The following PRKCB variants were observed in gnomAD, a reference collection of about 807,000 sequenced individuals.
The protein encoded by PRKCB is protein kinase C beta.
Under a neutral mutation model 81.5 loss-of-function variants are expected in PRKCB, and 13 were observed. That is an observed-to-expected ratio of 0.16 (90% confidence interval 0.10 to 0.25). The LOEUF is 0.25. PRKCB is among the 10% of genes least tolerant of loss of function. PRKCB has a pLI of 1.00. For synonymous variants in PRKCB, 335 were observed against 321.4 expected (o/e 1.04, Z -0.45); for missense variants, 509 against 875.7 (o/e 0.58, Z 5.29).
chr16:24,032,504 G>A (rs1965562543), intron 4 of PRKCB, among the ~76,000 whole-genome samples: 1 of 152,244 alleles, frequency 6.6e-6, no homozygotes, highest in African/African-American at 2.4e-5. Context: ...TGTCACGCAT[G>A]TTCATAAAGC....
At chr16:24,106,116 CAAAAAACA>C (rs1245943927) in intron 7 of PRKCB, among the ~76,000 whole-genome samples, 62 of 79,288 alleles carry the variant, frequency 7.8e-4, no homozygotes, top group Admixed American at 1.5e-3. Context: ...AAGCAAAAAA[CAAAAAACA>C]AAAAAAACTA....
intron 12 of PRKCB, among the ~76,000 whole-genome samples, chr16:24,177,039 A>G (rs1183556653): frequency 6.6e-6 from 1 of 152,224 alleles, no homozygotes; most frequent in African/African-American, 2.4e-5. Flanking sequence ...GGGTGCTGAC[A>G]TTAGGACCTA....
At chr16:23,837,288 G>T in intron 1 of PRKCB, 87 bp from the exon 2 acceptor site, 1 of 1,532,826 alleles carries the variant, frequency 6.5e-7, no homozygotes. Context: ...TACAGAGGCA[G>T]GGAGGAAGGC....
At chr16:24,209,665 C>A (rs930870979) in intron 16 of PRKCB, among the ~76,000 whole-genome samples, 6 of 152,068 alleles carry the variant, frequency 3.9e-5, no homozygotes, top group African/African-American at 1.4e-4. Context: ...TGCATCTTTC[C>A]ATCCCTCCAC....
chr16:23,932,606 A>G (rs901166070), intron 2 of PRKCB, among the ~76,000 whole-genome samples: 1 of 152,232 alleles, frequency 6.6e-6, no homozygotes, highest in Non-Finnish European at 1.5e-5. Flanking sequence ...GACTGGAAGG[A>G]TCAGGCATCT....
chr16:23,905,042 CTTTTTTTTTTT>C (rs1227867693), intron 2 of PRKCB, among the ~76,000 whole-genome samples: 2 of 110,238 alleles, frequency 1.8e-5, no homozygotes, highest in African/African-American at 7.6e-5. Context: ...CTTTTTTTTT[CTTTTTTTTTTT>C]TTTAATAAAA....
chr16:24,214,700 C>T lies in PRKCB; in HGVS notation c.1906C>T (p.His636Tyr). Reference sequence around the variant, plus strand: ...AAACTTCGACCGATTTTTCACCCGCCATCCACCAGTCCTAACACCTCCCGA... The same window carrying T: ...AAACTTCGACCGATTTTTCACCCGCTATCCACCAGTCCTAACACCTCCCGA... ...AENFDRFFTR[H>Y]PPVLTPPDQE... The change falls in exon 17 of 17, where the codon CAT (histidine) becomes TAT (tyrosine). Residue 636 changes from histidine (H) to tyrosine (Y), a missense_variant. By Grantham distance (83) the His-to-Tyr change is moderately conservative. Around this residue, in one of 6 missense-constraint regions of PRKCB, gnomAD observed 104 missense variants for 160.5 expected, o/e 0.65. Transcript: ENST00000643927. 1 of 1,614,192 alleles carries T rather than the reference C, an allele frequency of 6.2e-7. No individual in the cohort carries two copies. Among genetic ancestry groups the T allele is most frequent in the South Asian group, 1.1e-5 (1 of 91,084 alleles).
chr16:23,978,623 C>T (rs183631952), intron 2 of PRKCB, among the ~76,000 whole-genome samples: 8 of 152,224 alleles, frequency 5.3e-5, no homozygotes, highest in East Asian at 1.9e-4. Context: ...TGGTTAATGC[C>T]GCCTGGCTGG....
intron 2 of PRKCB, among the ~76,000 whole-genome samples, chr16:23,858,435 C>T (rs989199467): frequency 1.3e-5 from 2 of 152,112 alleles, no homozygotes; most frequent in African/African-American, 4.8e-5. Flanking sequence ...GTGATAAGGC[C>T]CATCTCTCAT....
chr16:24,199,703 T>C (rs796577263), intron 16 of PRKCB, among the ~76,000 whole-genome samples: 1 of 152,254 alleles, frequency 6.6e-6, no homozygotes, highest in Non-Finnish European at 1.5e-5. Context: ...TTAACTGCCT[T>C]CCATGAATTG....
At chr16:23,856,554 TTGTC>T (rs1290044471) in intron 2 of PRKCB, among the ~76,000 whole-genome samples, 2 of 151,892 alleles carry the variant, frequency 1.3e-5, no homozygotes, top group Non-Finnish European at 1.5e-5. Flanking sequence ...GACAGGGTCT[TTGTC>T]TGTCGCACAG....
At chr16:24,042,461 A>G (rs1175395793) in intron 5 of PRKCB, among the ~76,000 whole-genome samples, 2 of 152,108 alleles carry the variant, frequency 1.3e-5, no homozygotes, top group Admixed American at 1.3e-4. Flanking sequence ...CTTTATTTTG[A>G]ACTAAGTTGA....
At chr16:23,902,560 G>A (rs1408519222) in intron 2 of PRKCB, among the ~76,000 whole-genome samples, 1 of 152,008 alleles carries the variant, frequency 6.6e-6, no homozygotes, top group Non-Finnish European at 1.5e-5. Context: ...TTTTACAGAC[G>A]GGGAAGCTGA....
At chr16:24,063,104 C>T (rs1325559847) in intron 5 of PRKCB, among the ~76,000 whole-genome samples, 1 of 152,038 alleles carries the variant, frequency 6.6e-6, no homozygotes, top group Non-Finnish European at 1.5e-5. Flanking sequence ...GCTCTGGTAA[C>T]ACTACTTCCT....
chr16:24,215,726 T>G lies in PRKCB; in HGVS notation c.*910T>G, dbSNP rs1410252029. 1 of 985,698 alleles carries G rather than the reference T, an allele frequency of 1.0e-6. No homozygotes were observed. 61.1% of individuals were successfully genotyped at this position (985,698 alleles called of 1,614,324 possible). A position where few individuals can be genotyped will look rare whatever the true frequency, so the allele number is the denominator to read the frequency against. On this transcript the variant is annotated 3_prime_UTR_variant, in exon 17 of 17. Coordinates refer to ENST00000643927, the MANE Select transcript of PRKCB (RefSeq NM_002738.7). ...TGTATTCAAATGTTATTAACCACAA[T>G]GACGACCTGCTTTGATTTAACCAAG...
At chr16:24,204,852 A>G (rs1451957536) in intron 16 of PRKCB, among the ~76,000 whole-genome samples, 1 of 152,108 alleles carries the variant, frequency 6.6e-6, no homozygotes, top group Admixed American at 6.5e-5. Context: ...CCAGGCACAG[A>G]GGCTCATGCC....
intron 5 of PRKCB, among the ~76,000 whole-genome samples, chr16:24,070,941 G>A (rs1342120222): frequency 3.9e-5 from 6 of 152,212 alleles, no homozygotes; most frequent in African/African-American, 1.4e-4. Flanking sequence ...GTCAGATGAA[G>A]TCAGGAAAGG....
chr16:24,031,680 A>G (rs955222299), intron 3 of PRKCB, among the ~76,000 whole-genome samples: 2 of 152,242 alleles, frequency 1.3e-5, no homozygotes, highest in Non-Finnish European at 2.9e-5. Flanking sequence ...AGGAACTGGC[A>G]ATGGTTTCTA....
intron 2 of PRKCB, among the ~76,000 whole-genome samples, chr16:23,868,813 T>C (rs1248229689): frequency 6.6e-6 from 1 of 152,196 alleles, no homozygotes; most frequent in African/African-American, 2.4e-5. Context: ...AAGCATCAGG[T>C]CCACTTGGGT....
Sources: allele counts gnomAD v4.1 joint callset (sites outside exome capture counted in the v4.1 genomes callset), GRCh38; gene constraint gnomAD v4.1.1; regional missense constraint gnomAD v4.1.1; transcripts MANE v1.5; gene names NCBI Gene and HGNC (gene_info 2026-07-23, HGNC 2026-07-21).